ZPBP2: variants seen among roughly 807,000 people sequenced by gnomAD.
ZPBP2 encodes zona pellucida-binding protein 2.
Under a neutral mutation model 37.5 loss-of-function variants are expected in ZPBP2, and 34 were observed. The ratio of observed to expected loss-of-function variants is 0.91; its 90% CI spans 0.69 to 1.21. The LOEUF is 1.21. Among genes scored for constraint, ZPBP2 ranks in the 50% most tolerant of loss-of-function variants. The pLI is 0.00. For missense variants in ZPBP2, 397 were observed against 413.5 expected (o/e 0.96, Z 0.35); for synonymous variants, 143 against 138.4 (o/e 1.03, Z -0.23).
rs530033011 is a variant in ZPBP2, at chr17:39,870,107, A to G, written c.119-587A>G. Among the ~76,000 whole-genome samples the G allele has an allele frequency of 2.6e-5, 4 of 151,656 alleles. No homozygotes were observed. In the South Asian group the frequency reaches 6.2e-4, roughly 24 times the overall value. On this transcript the variant is annotated intron_variant, in intron 2 of 7. Transcript: ENST00000348931. Reference sequence around the variant, plus strand: ...TGCCCAGGTGGGAGTGCAGTGGTGCACTCTCGGCTCACTGCAGCCTCTGCC... The same window carrying G: ...TGCCCAGGTGGGAGTGCAGTGGTGCGCTCTCGGCTCACTGCAGCCTCTGCC...
intron 1 of ZPBP2, 65 bp from the exon 2 acceptor site, chr17:39,868,484 G>A (rs1321827564): frequency 8.7e-6 from 14 of 1,613,078 alleles, no homozygotes; most frequent in Non-Finnish European, 1.1e-5. Flanking sequence ...GCCTCGCCCT[G>A]CCCTGCCCGA....
Position 39,873,086 on chromosome 17 carries a change from C to T in ZPBP2, c.668C>T (p.Ser223Phe). 1 of 1,611,940 alleles carries T rather than the reference C, an allele frequency of 6.2e-7. No individual in the cohort carries two copies. The highest frequency in any genetic ancestry group is 8.5e-7 in the Non-Finnish European group (1 of 1,179,148). ...APGWKGACNG[S>F]VDCEDTTNHN... ...GGGTGGAAAGGTGCTTGCAATGGAT[C>T]TGTTGACTGTGAAGATACCACTAAT... is the stretch of plus-strand genomic sequence containing the variant. Residue 223 changes from serine to phenylalanine, a missense_variant, in exon 6 of 8, where the codon TCT (serine) becomes TTT (phenylalanine). Coordinates refer to ENST00000348931, the MANE Select transcript of ZPBP2 (RefSeq NM_199321.3).
rs773539004 is a variant in ZPBP2, at chr17:39,872,318, C to T, written c.455C>T (p.Thr152Ile). ...TATCAGATGGCTGTACGTTTTACCA[C>T]AAGGTCTTGTATAGGGAGATACAAT... Reference protein sequence around the residue: ...YSYQMAVRFTTRSCIGRYNDV... With the variant: ...YSYQMAVRFTIRSCIGRYNDV... Residue 152 changes from threonine (T) to isoleucine (I), a missense_variant, in exon 5 of 8, where the codon ACA becomes ATA. Coordinates refer to ENST00000348931, the MANE Select transcript of ZPBP2 (RefSeq NM_199321.3). 7 of 1,610,864 alleles carry T rather than the reference C, an allele frequency of 4.3e-6. No individual in the cohort carries two copies. The highest frequency in any genetic ancestry group is 1.7e-4 in the Middle Eastern group (1 of 6,052).
intron 6 of ZPBP2, 58 bp from the exon 7 acceptor site, chr17:39,875,196 G>C: frequency 6.8e-7 from 1 of 1,470,448 alleles, no homozygotes; most frequent in Non-Finnish European, 9.3e-7. Context: ...GATACTGGAG[G>C]ATAAATTTGG....
intron 6 of ZPBP2, among the ~76,000 whole-genome samples, chr17:39,873,758 T>C (rs1003724536): frequency 1.1e-4 from 16 of 152,124 alleles, no homozygotes; most frequent in African/African-American, 3.9e-4. Context: ...AAATTATATC[T>C]ATATTGGTCA....
chr17:39,870,735 A>G lies in ZPBP2; in HGVS notation c.160A>G (p.Ile54Val). 2 of 1,552,770 alleles carry G rather than the reference A, an allele frequency of 1.3e-6. No homozygotes were observed. Among genetic ancestry groups the G allele is most frequent in the South Asian group, 1.2e-5 (1 of 81,798 alleles). Residue 54 changes from isoleucine to valine, a missense_variant, in exon 3 of 8, where the codon ATC (isoleucine) becomes GTC (valine). Transcript: ENST00000348931. ...GTTACATCAAAATAGTCCAGTCCTTATCTGTATGGATTTTAAGCTTTCTAA... is the reference window on the plus strand; with the variant it reads ...GTTACATCAAAATAGTCCAGTCCTTGTCTGTATGGATTTTAAGCTTTCTAA... The part of the protein sequence containing the change: ...VELHQNSPVL[I>V]CMDFKLSKKE...
Position 39,875,350 on chromosome 17 carries a change from AGT to A in ZPBP2, c.806_807del (p.Ser269IlefsTer8). On this transcript the variant is annotated frameshift_variant, in exon 7 of 8. Coordinates refer to ENST00000348931, the MANE Select transcript of ZPBP2 (RefSeq NM_199321.3). LOFTEE classifies it high-confidence loss of function. ...ACCAGCAATGCATTTTGTGGACCAC[AGT>A]TTGCAAGTAGTACGTCTGGATAGCT... The part of the protein sequence containing the change: ...TLPAMHFVDH[S>X]LQVVRLDSCR... The A allele has an allele frequency of 6.2e-7, 1 of 1,614,176 alleles. No homozygotes were observed. Among genetic ancestry groups the A allele is most frequent in the Non-Finnish European group, 8.5e-7 (1 of 1,180,016 alleles).
intron 2 of ZPBP2, among the ~76,000 whole-genome samples, chr17:39,869,234 A>G (rs2063350239): frequency 6.6e-6 from 1 of 152,138 alleles, no homozygotes. Flanking sequence ...TTCCAAGCAT[A>G]CCATCGTTCT....
intron 7 of ZPBP2, among the ~76,000 whole-genome samples, chr17:39,876,186 TG>T (rs2063389931): frequency 6.6e-6 from 1 of 152,182 alleles, no homozygotes; most frequent in African/African-American, 2.4e-5. Context: ...CCCAAAGTGC[TG>T]GGATTACAGG....
chr17:39,871,382 T>G, intron 3 of ZPBP2, 82 bp from the exon 4 acceptor site: 1 of 967,628 alleles, frequency 1.0e-6, no homozygotes, highest in East Asian at 3.0e-5. Flanking sequence ...TTTAAAATTT[T>G]TGTATCTATT....
rs928530273 is a variant in ZPBP2, at chr17:39,868,401, C to T, written c.47C>T (p.Thr16Ile). The T allele has an allele frequency of 6.2e-6, 10 of 1,610,816 alleles. No homozygotes were observed. The highest frequency in any genetic ancestry group is 7.6e-6 in the Non-Finnish European group (9 of 1,179,998). ...CTCTCCGCGGTGCTCTGGTGCCTCA[C>T]AGGAGGTGGGGCTCCCTCCACCCGG... ...VLLSAVLWCL[T>I]GVQCPRFTLF... Residue 16 changes from threonine (T) to isoleucine (I), a missense_variant, in exon 1 of 8, where the codon ACA becomes ATA. Physicochemically the swap from Thr to Ile is moderately conservative, Grantham distance 89 (BLOSUM62 -1). Transcript: ENST00000348931.
chr17:39,870,862 T>C, intron 3 of ZPBP2, 43 bp downstream of exon 3: 1 of 1,403,566 alleles, frequency 7.1e-7, no homozygotes, highest in Non-Finnish European at 9.5e-7. Context: ...GATGTGAACA[T>C]ATTTTTAGAA....
Position 39,868,235 on chromosome 17 carries a change from A to C in ZPBP2, c.-120A>C. The stretch of plus-strand genomic sequence containing the variant: ...GCTCCCGCCGTTGCGACGGACGGGT[A>C]GGGGAGGCGACCCCGGCGTTCTGCT... On this transcript the variant is annotated 5_prime_UTR_variant, in exon 1 of 8. Transcript: ENST00000348931. 10 of 1,093,564 alleles carry C rather than the reference A, an allele frequency of 9.1e-6. No individual in the cohort carries two copies. Among genetic ancestry groups the C allele is most frequent in the Non-Finnish European group, 1.3e-5 (10 of 764,454 alleles). The allele number at this position is 1,093,564 out of a possible 1,614,324, so 67.7% of individuals were successfully genotyped here.
chr17:39,868,492 C>T, intron 1 of ZPBP2, 57 bp from the exon 2 acceptor site: 8 of 1,613,528 alleles, frequency 5.0e-6, no homozygotes, highest in Admixed American at 3.3e-5. Flanking sequence ...CTGCCCTGCC[C>T]GACTCTGAAC....
rs2063372924 is a variant in ZPBP2 at position 39,873,092 on chromosome 17, A to G, written c.674A>G (p.Asp225Gly). 1 of 1,611,452 alleles carries G rather than the reference A, an allele frequency of 6.2e-7. No homozygotes were observed. The highest frequency in any genetic ancestry group is 8.5e-7 in the Non-Finnish European group (1 of 1,179,022). Reference protein sequence around the residue: ...GWKGACNGSVDCEDTTNHNIL... With the variant: ...GWKGACNGSVGCEDTTNHNIL... ...AAAGGTGCTTGCAATGGATCTGTTG[A>G]CTGTGAAGATACCACTAATCATAAT... The change falls in exon 6 of 8, where the codon GAC (aspartate) becomes GGC (glycine). Residue 225 changes from aspartate to glycine, a missense_variant. Transcript: ENST00000348931.
chr17:39,868,286 T>C lies in ZPBP2; in HGVS notation c.-69T>C, dbSNP rs2063344603. 7 of 1,552,670 alleles carry C rather than the reference T, an allele frequency of 4.5e-6. No homozygotes were observed. The highest frequency in any genetic ancestry group is 1.7e-5 in the Admixed American group (1 of 59,086). ...CCGCACTGTGGAGGAGGTGGGGAGGTGTTGGGCCAGGGCTGAGGTAGGAGG... is the reference window on the plus strand; with the variant it reads ...CCGCACTGTGGAGGAGGTGGGGAGGCGTTGGGCCAGGGCTGAGGTAGGAGG... On this transcript the variant is annotated 5_prime_UTR_variant, in exon 1 of 8. Coordinates refer to ENST00000348931, the MANE Select transcript of ZPBP2 (RefSeq NM_199321.3).
intron 7 of ZPBP2, among the ~76,000 whole-genome samples, chr17:39,876,081 C>T (rs950482424): frequency 6.6e-6 from 1 of 151,306 alleles, no homozygotes; most frequent in African/African-American, 2.4e-5. Flanking sequence ...TTTTTACTGA[C>T]TAATTTTTGT....
intron 3 of ZPBP2, among the ~76,000 whole-genome samples, 181 bp from the exon 4 acceptor site, chr17:39,871,283 A>C (rs1350067725): frequency 1.3e-5 from 2 of 152,192 alleles, no homozygotes; most frequent in Non-Finnish European, 2.9e-5. Context: ...ATATTTCAAA[A>C]GTGTACTTAT....
At chr17:39,868,520 TA>T (rs1354037771) in intron 1 of ZPBP2, 28 bp from the exon 2 acceptor site, 2 of 1,614,024 alleles carry the variant, frequency 1.2e-6, no homozygotes, top group African/African-American at 2.7e-5. Flanking sequence ...CTCTTCTAAC[TA>T]AAAGTCAGTG....
Sources: allele counts gnomAD v4.1 joint callset (sites outside exome capture counted in the v4.1 genomes callset), GRCh38; gene constraint gnomAD v4.1.1; transcripts MANE v1.5; gene names NCBI Gene and HGNC (gene_info 2026-07-23, HGNC 2026-07-21).